Variants in AP4S1 observed in about 807,000 individuals in gnomAD.
AP4S1 encodes AP-4 complex subunit sigma-1.
Under a neutral mutation model 19.8 loss-of-function variants are expected in AP4S1, and 23 were observed. The observed-to-expected ratio is 1.16, with a 90% CI of 0.84 to 1.65. AP4S1 has a LOEUF of 1.65. AP4S1 is among the 40% of genes most tolerant of loss of function. The probability of loss-of-function intolerance (pLI) is 0.00; values close to 1 mark genes in which losing one functional copy is unlikely to be tolerated. For missense variants in AP4S1, 166 were observed against 172.8 expected (o/e 0.96, Z 0.22); for synonymous variants, 46 against 54.1 (o/e 0.85, Z 0.66).
intron 4 of AP4S1, among the ~76,000 whole-genome samples, chr14:31,079,191 A>C (rs756055541): frequency 6.6e-6 from 1 of 152,166 alleles, no homozygotes; most frequent in Non-Finnish European, 1.5e-5. Context: ...TTCATATTTG[A>C]ACTTAATTCT....
rs59441565 is a variant in AP4S1 at position 31,074,367 on chromosome 14, A to ATAAG, written c.294+1394_294+1395insTAAG. On this transcript the variant is annotated intron_variant, in intron 4 of 5. Transcript: ENST00000542754. Reference sequence around the variant, plus strand: ...AATAAATAAATAAATAAATAAATAAAGTAAGCTGGGCGCGGTGGCTGACGC... The same window carrying ATAAG: ...AATAAATAAATAAATAAATAAATAAATAAGGTAAGCTGGGCGCGGTGGCTGACGC... Among the ~76,000 whole-genome samples, 558 of 129,220 alleles carry ATAAG rather than the reference A, an allele frequency of 4.3e-3. 5 individuals carry two copies. The highest frequency in any genetic ancestry group is 0.016 in the African/African-American group (534 of 34,416). The allele number at this position is 129,220 out of a possible 152,430, so 84.8% of individuals were successfully genotyped here. A position where few individuals can be genotyped will look rare whatever the true frequency, so the allele number is the denominator to read the frequency against.
intron 5 of AP4S1, chr14:31,085,171 C>T: frequency 8.4e-7 from 1 of 1,190,670 alleles, no homozygotes; most frequent in Non-Finnish European, 1.0e-6. Flanking sequence ...GGGCAGATGC[C>T]CACCAGCCCT....
chr14:31,076,394 T>C (rs951604817), intron 4 of AP4S1, among the ~76,000 whole-genome samples: 2 of 152,258 alleles, frequency 1.3e-5, no homozygotes, highest in Non-Finnish European at 2.9e-5. Context: ...AGTTGTCATT[T>C]GTGTTTCACT....
intron 1 of AP4S1, among the ~76,000 whole-genome samples, chr14:31,034,521 C>A (rs1277261017): frequency 1.3e-5 from 2 of 151,892 alleles, no homozygotes; most frequent in African/African-American, 4.8e-5. Flanking sequence ...GAACTCCTGG[C>A]CTCAAGGGAT....
rs1888185546 is a variant in AP4S1, at chr14:31,095,762, C to T, written c.*2727C>T. The T allele has an allele frequency of 6.6e-6, 1 of 152,124 alleles. No homozygotes were observed. Among genetic ancestry groups the T allele is most frequent in the South Asian group, 2.1e-4 (1 of 4,824 alleles). 9.4% of individuals were successfully genotyped at this position (152,124 alleles called of 1,614,324 possible). On this transcript the variant is annotated 3_prime_UTR_variant, in exon 6 of 6. Coordinates refer to ENST00000542754, the MANE Select transcript of AP4S1 (RefSeq NM_001128126.3). ...AAAGGTTTGCTTATTAATAAGCTTACTGTTAATGAAATTTAGTTCAAAGTT... is the reference window on the plus strand; with the variant it reads ...AAAGGTTTGCTTATTAATAAGCTTATTGTTAATGAAATTTAGTTCAAAGTT...
intron 1 of AP4S1, among the ~76,000 whole-genome samples, chr14:31,029,577 G>A (rs753097864): frequency 2.0e-5 from 3 of 152,096 alleles, no homozygotes; most frequent in African/African-American, 7.2e-5. Context: ...CAACACTTTC[G>A]GAGACAGAGG....
At chr14:31,072,395 G>A (rs1887060423) in intron 3 of AP4S1, among the ~76,000 whole-genome samples, 1 of 151,742 alleles carries the variant, frequency 6.6e-6, no homozygotes, top group Admixed American at 6.6e-5. Flanking sequence ...TTTTAAGATA[G>A]GACCTCGCTC....
At chr14:31,037,376 T>C (rs12897532) in intron 1 of AP4S1, among the ~76,000 whole-genome samples, 39,509 of 151,946 alleles carry the variant, frequency 0.26, 5,349 homozygotes, top group South Asian at 0.33. Context: ...TTCACTGTTA[T>C]TGTGAGGAGG....
chr14:31,080,936 C>T (rs748377787), intron 5 of AP4S1, among the ~76,000 whole-genome samples: 2 of 152,078 alleles, frequency 1.3e-5, no homozygotes, highest in Non-Finnish European at 2.9e-5. Context: ...GCATTACGGG[C>T]GCCCACCACC....
chr14:31,039,673 C>T (rs1456379522), intron 1 of AP4S1, among the ~76,000 whole-genome samples: 2 of 150,916 alleles, frequency 1.3e-5, no homozygotes, highest in Non-Finnish European at 2.9e-5. Flanking sequence ...CCCGGGTTCA[C>T]GCCATTCTCC....
chr14:31,052,588 C>T (rs1367508356), intron 1 of AP4S1, among the ~76,000 whole-genome samples: 3 of 151,758 alleles, frequency 2.0e-5, no homozygotes, highest in Admixed American at 6.6e-5. Flanking sequence ...ATTAGGCAGG[C>T]ATGGTGGTGA....
intron 1 of AP4S1, among the ~76,000 whole-genome samples, chr14:31,053,760 C>G (rs1410403067): frequency 1.3e-5 from 2 of 151,350 alleles, no homozygotes; most frequent in African/African-American, 4.9e-5. Context: ...TAGGATCCAG[C>G]CAGGGCTTGT....
chr14:31,073,417 G>A (rs1015121201), intron 4 of AP4S1, among the ~76,000 whole-genome samples: 3 of 137,122 alleles, frequency 2.2e-5, no homozygotes, highest in African/African-American at 7.7e-5. Flanking sequence ...GTGAACCCGG[G>A]AGGCGGAGCT....
chr14:31,064,010 G>A (rs1886580919), intron 1 of AP4S1, among the ~76,000 whole-genome samples: 1 of 152,196 alleles, frequency 6.6e-6, no homozygotes, highest in Admixed American at 6.5e-5. Context: ...TGGTCATGAT[G>A]AAAGAAGGAC....
At chr14:31,034,482 A>G (rs1284261334) in intron 1 of AP4S1, among the ~76,000 whole-genome samples, 1 of 151,874 alleles carries the variant, frequency 6.6e-6, no homozygotes, top group Non-Finnish European at 1.5e-5. Flanking sequence ...GGGGAAACAA[A>G]CTCTCACTGC....
chr14:31,067,343 T>C (rs1886776639), intron 2 of AP4S1, among the ~76,000 whole-genome samples: 1 of 151,842 alleles, frequency 6.6e-6, no homozygotes, highest in Non-Finnish European at 1.5e-5. Flanking sequence ...TACATATGTA[T>C]ACATGTGCCA....
At chr14:31,057,667 C>T (rs1056894517) in intron 1 of AP4S1, among the ~76,000 whole-genome samples, 2 of 151,746 alleles carry the variant, frequency 1.3e-5, no homozygotes, top group Non-Finnish European at 2.9e-5. Flanking sequence ...GCTCTGTCAC[C>T]CAGGCTAGAG....
rs1888199581 is a variant in AP4S1, at chr14:31,096,240, G to C, written c.*3205G>C. 6.6e-6 allele frequency: 1 copy of C among 151,932 alleles called. No homozygotes were observed. The highest frequency in any genetic ancestry group is 2.4e-5 in the African/African-American group (1 of 41,340). The allele number at this position is 151,932 out of a possible 1,614,324, so 9.4% of individuals were successfully genotyped here. A position where few individuals can be genotyped will look rare whatever the true frequency, so the allele number is the denominator to read the frequency against. On this transcript the variant is annotated 3_prime_UTR_variant, in exon 6 of 6. Transcript: ENST00000542754. ...ATTACTGTCATTACAGAAGAGCAAT[G>C]CACTGCATCCCCCCAAAACCTTTCT...
chr14:31,053,884 A>G (rs1328159773), intron 1 of AP4S1, among the ~76,000 whole-genome samples: 1 of 152,174 alleles, frequency 6.6e-6, no homozygotes, highest in Non-Finnish European at 1.5e-5. Flanking sequence ...CTACATCTGC[A>G]TACATATTTA....
Sources: allele counts gnomAD v4.1 joint callset (sites outside exome capture counted in the v4.1 genomes callset), GRCh38; gene constraint gnomAD v4.1.1; transcripts MANE v1.5; gene names NCBI Gene and HGNC (gene_info 2026-07-23, HGNC 2026-07-21).